LCP1: variants seen among roughly 807,000 people sequenced by gnomAD.
LCP1 encodes the protein plastin-2.
A neutral mutation model predicts 72.0 loss-of-function variants in LCP1; 23 were observed. That is an observed-to-expected ratio of 0.32 (90% CI 0.23 to 0.45). The LOEUF is 0.45. Among genes scored for constraint, LCP1 ranks in the 20% least tolerant of loss-of-function variants. The probability of loss-of-function intolerance (pLI) is 1.00; values close to 1 mark genes in which losing one functional copy is unlikely to be tolerated. For missense variants in LCP1, 571 were observed against 748.3 expected (o/e 0.76, Z 2.76); for synonymous variants, 245 against 275.4 (o/e 0.89, Z 1.09).
Position 46,147,103 on chromosome 13 carries a change from C to T in LCP1, c.979G>A (p.Glu327Lys). 6.3e-7 allele frequency: 1 copy of T among 1,576,346 alleles called. No homozygotes were observed. Among genetic ancestry groups the T allele is most frequent in the South Asian group, 1.2e-5 (1 of 85,198 alleles). Reference sequence around the variant, plus strand: ...TCTGCCCTCTGGATGTCATCCTTCTCCTGCAATGCAAAAGGATGTCTCAGG... The same window carrying T: ...TCTGCCCTCTGGATGTCATCCTTCTTCTGCAATGCAAAAGGATGTCTCAGG... ...AVVIDMSGLR[E>K]KDDIQRAECM... The change falls in exon 10 of 16, where the codon GAG becomes AAG. Residue 327 changes from glutamate (E) to lysine (K), a missense_variant and splice_region_variant. Coordinates refer to ENST00000323076, the MANE Select transcript of LCP1 (RefSeq NM_002298.5).
Position 46,147,041 on chromosome 13 carries a change from C to T in LCP1, c.1041G>A (p.Arg347=). 1 of 1,613,398 alleles carries T rather than the reference C, an allele frequency of 6.2e-7. No individual in the cohort carries two copies. The highest frequency in any genetic ancestry group is 1.3e-5 in the African/African-American group (1 of 74,986). ...MLQQAERLGC[R]QFVTATDVVR... ...CAACATCTGTGGCTGTGACAAACTG[C>T]CGGCAGCCCAGCCTCTCCGCCTGCT... Residue 347 remains arginine (R), a synonymous_variant, in exon 10 of 16, where the codon CGG becomes CGA. Transcript: ENST00000323076.
chr13:46,174,882 T>C (rs2045921655), intron 1 of LCP1, among the ~76,000 whole-genome samples: 1 of 142,390 alleles, frequency 7.0e-6, no homozygotes, highest in Non-Finnish European at 1.5e-5. Context: ...GAATTACAAA[T>C]AATCATTCAA....
chr13:46,149,483 TAA>T (rs2045750301), intron 8 of LCP1, among the ~76,000 whole-genome samples: 1 of 152,244 alleles, frequency 6.6e-6, no homozygotes, highest in Admixed American at 6.5e-5. Context: ...TTAGTTTGGC[TAA>T]GAGTAACCTC....
At chr13:46,140,335 T>C (rs1214794500) in intron 13 of LCP1, among the ~76,000 whole-genome samples, 1 of 152,250 alleles carries the variant, frequency 6.6e-6, no homozygotes, top group African/African-American at 2.4e-5. Context: ...AGAGCAATCC[T>C]TGGGGCTCAC....
At chr13:46,179,915 G>C (rs1055510655) in intron 1 of LCP1, among the ~76,000 whole-genome samples, 4 of 151,836 alleles carry the variant, frequency 2.6e-5, no homozygotes, top group African/African-American at 9.7e-5. Flanking sequence ...AACCTGCAAT[G>C]GTATCTCTTA....
At chr13:46,161,137 G>T (rs1303258265) in intron 1 of LCP1, among the ~76,000 whole-genome samples, 1 of 151,918 alleles carries the variant, frequency 6.6e-6, no homozygotes, top group Admixed American at 6.6e-5. Context: ...GCAACCCTTT[G>T]TTGACAGAAA....
intron 1 of LCP1, among the ~76,000 whole-genome samples, chr13:46,175,228 G>A (rs1337675592): frequency 2.0e-5 from 3 of 152,212 alleles, no homozygotes; most frequent in Non-Finnish European, 4.4e-5. Flanking sequence ...GGCTCAGTAA[G>A]TCAGTGGTGA....
At chr13:46,129,769 T>C (rs922514794) in intron 15 of LCP1, among the ~76,000 whole-genome samples, 1 of 152,048 alleles carries the variant, frequency 6.6e-6, no homozygotes, top group Non-Finnish European at 1.5e-5. Context: ...CTCTTCGAAA[T>C]TCATATGCTG....
Position 46,126,639 on chromosome 13 carries a change from T to G in LCP1, c.*952A>C, listed in dbSNP as rs1163592544. ...AGCAAGGTAGGATTGCCTCCAAATGTTGACAGGTATTAGCCATACCACAGT... is the reference window on the plus strand; with the variant it reads ...AGCAAGGTAGGATTGCCTCCAAATGGTGACAGGTATTAGCCATACCACAGT... On this transcript the variant is annotated 3_prime_UTR_variant, in exon 16 of 16. Coordinates refer to ENST00000323076, the MANE Select transcript of LCP1 (RefSeq NM_002298.5). 8.6e-6 allele frequency: 2 copies of G among 231,606 alleles called. No individual in the cohort carries two copies. Among genetic ancestry groups the G allele is most frequent in the East Asian group, 1.2e-4 (2 of 16,368 alleles). The allele number at this position is 231,606 out of a possible 1,614,324, so 14.3% of individuals were successfully genotyped here. A position where few individuals can be genotyped will look rare whatever the true frequency, so the allele number is the denominator to read the frequency against.
chr13:46,148,313 G>A (rs1593951213), intron 9 of LCP1, 39 bp downstream of exon 9: 2 of 1,406,816 alleles, frequency 1.4e-6, no homozygotes, highest in East Asian at 2.3e-5. Context: ...CATGAAAATA[G>A]CATCATATTC....
chr13:46,143,224 T>C lies in LCP1; in HGVS notation c.1368+66A>G, dbSNP rs2045708767. 3 of 1,073,868 alleles carry C rather than the reference T, an allele frequency of 2.8e-6. No homozygotes were observed. The African/African-American group carries it at 4.7e-5, about 17-fold the overall frequency. 66.5% of individuals were successfully genotyped at this position (1,073,868 alleles called of 1,614,324 possible). On this transcript the variant is annotated intron_variant, in intron 12 of 15. Transcript: ENST00000323076. Reference sequence around the variant, plus strand: ...CTACGTTTGGCTGCCTTATAAAGTATTTAGAGTGCTCTTGCAGGCTATGAC... The same window carrying C: ...CTACGTTTGGCTGCCTTATAAAGTACTTAGAGTGCTCTTGCAGGCTATGAC...
intron 1 of LCP1, among the ~76,000 whole-genome samples, chr13:46,169,260 C>T (rs898621042): frequency 9.9e-5 from 15 of 152,136 alleles, no homozygotes; most frequent in Non-Finnish European, 1.9e-4. Context: ...AAATGTCTTA[C>T]GAATATAATT....
intron 9 of LCP1, among the ~76,000 whole-genome samples, chr13:46,148,107 T>C (rs536884557): frequency 6.6e-6 from 1 of 152,344 alleles, no homozygotes; most frequent in East Asian, 1.9e-4. Flanking sequence ...GATGAACATA[T>C]ATAGAATTGC....
intron 1 of LCP1, among the ~76,000 whole-genome samples, 154 bp from the exon 2 acceptor site, chr13:46,159,840 G>A (rs1593958028): frequency 1.3e-5 from 2 of 152,142 alleles, no homozygotes; most frequent in Admixed American, 1.3e-4. Flanking sequence ...TCAGAAATAC[G>A]CTTTTTCTCA....
At chr13:46,164,447 G>A (rs1031440009) in intron 1 of LCP1, among the ~76,000 whole-genome samples, 8 of 152,118 alleles carry the variant, frequency 5.3e-5, no homozygotes, top group Non-Finnish European at 8.8e-5. Flanking sequence ...AGGTCAAGAT[G>A]AAAAGCCTTG....
At chr13:46,138,134 G>T (rs2045675633) in intron 13 of LCP1, among the ~76,000 whole-genome samples, 1 of 152,186 alleles carries the variant, frequency 6.6e-6, no homozygotes. Context: ...TGCATATGCT[G>T]TTTGCCAACT....
intron 13 of LCP1, among the ~76,000 whole-genome samples, chr13:46,139,904 C>T (rs4547245): frequency 1.3e-5 from 2 of 151,956 alleles, no homozygotes; most frequent in South Asian, 2.1e-4. Context: ...AATAACAGGG[C>T]CCACATTTAA....
chr13:46,144,541 T>C (rs370767292), intron 10 of LCP1, 21 bp from the exon 11 acceptor site: 66 of 1,581,154 alleles, frequency 4.2e-5, no homozygotes, highest in Non-Finnish European at 5.6e-5. Flanking sequence ...GAAGATGGGT[T>C]ATCTTTTGGG....
chr13:46,135,272 G>A (rs1376553799), intron 13 of LCP1, among the ~76,000 whole-genome samples: 1 of 152,154 alleles, frequency 6.6e-6, no homozygotes, highest in African/African-American at 2.4e-5. Context: ...GTTGGCAGGA[G>A]GGGATCAAAT....
Sources: gnomAD v4.1 joint callset for allele counts (sites outside exome capture counted in the v4.1 genomes callset) on GRCh38, gnomAD v4.1.1 for gene constraint, MANE v1.5 for transcripts, NCBI Gene and HGNC (gene_info 2026-07-23, HGNC 2026-07-21) for gene names.